TRNAU1AP: variants seen among roughly 807,000 people sequenced by gnomAD.
TRNAU1AP encodes the protein tRNA selenocysteine 1 associated protein 1.
In TRNAU1AP, 33 loss-of-function variants were observed where a neutral mutation model predicts 43.3. The observed-to-expected ratio is 0.76, with a 90% confidence interval of 0.58 to 1.02. The LOEUF is 1.02. Ranked by LOEUF, TRNAU1AP falls within the 50% of genes least tolerant of loss-of-function variation. TRNAU1AP has a pLI of 0.00. For synonymous variants in TRNAU1AP, 143 were observed against 129.1 expected (o/e 1.11, Z -0.73); for missense variants, 290 against 362.7 (o/e 0.80, Z 1.63).
Position 28,575,107 on chromosome 1 carries a change from C to T in TRNAU1AP, c.728-2393C>T, listed in dbSNP as rs533512681. ...CCTTCTTTCTAGAGATAATTAGCCT[C>T]ATAATATCTGTAGATAAGTCCTTAG... On this transcript the variant is annotated intron_variant, in intron 8 of 8. Coordinates refer to ENST00000373830, the MANE Select transcript of TRNAU1AP (RefSeq NM_017846.5). Among the ~76,000 whole-genome samples, 28 of 152,252 alleles carry T rather than the reference C, an allele frequency of 1.8e-4. 1 individual carries two copies. Among genetic ancestry groups the T allele is most frequent in the Admixed American group, 1.8e-3 (27 of 15,278 alleles).
At chr1:28,575,900 C>T (rs1282355044) in intron 8 of TRNAU1AP, among the ~76,000 whole-genome samples, 3 of 104,506 alleles carry the variant, frequency 2.9e-5, no homozygotes, top group Non-Finnish European at 5.5e-5. Context: ...TTTGCTCTGT[C>T]GCCAGGCTGG....
intron 2 of TRNAU1AP, among the ~76,000 whole-genome samples, chr1:28,558,665 C>T (rs987475272): frequency 3.4e-5 from 5 of 148,582 alleles, no homozygotes; most frequent in African/African-American, 1.2e-4. Context: ...CCTGGGTTCA[C>T]GCCATTCTCC....
Position 28,561,417 on chromosome 1 carries a change from C to T in TRNAU1AP, c.278+19C>T, listed in dbSNP as rs1352098520. The T allele has an allele frequency of 1.2e-6, 2 of 1,613,722 alleles. No homozygotes were observed. Among genetic ancestry groups the T allele is most frequent in the African/African-American group, 2.7e-5 (2 of 74,912 alleles). ...ATAACAGGTAGGTACAAAGTCATGT[C>T]TAGACAGACATAAGATGTGTCACTG... is the stretch of plus-strand genomic sequence containing the variant. On this transcript the variant is annotated intron_variant, in intron 4 of 8. Transcript: ENST00000373830.
At chr1:28,570,389 G>A (rs543551477) in intron 6 of TRNAU1AP, among the ~76,000 whole-genome samples, 5 of 151,866 alleles carry the variant, frequency 3.3e-5, no homozygotes, top group Admixed American at 6.6e-5. Context: ...CTGGGATTGC[G>A]GGCGCGCCAT....
At chr1:28,566,484 G>A (rs1665541417) in intron 5 of TRNAU1AP, among the ~76,000 whole-genome samples, 1 of 151,954 alleles carries the variant, frequency 6.6e-6, no homozygotes, top group African/African-American at 2.4e-5. Context: ...CAGGCGTGGT[G>A]GCTCATGCCT....
intron 5 of TRNAU1AP, chr1:28,565,490 A>C (rs1665518119): frequency 6.6e-6 from 1 of 150,378 alleles, no homozygotes; most frequent in African/African-American, 2.4e-5. Context: ...GTCTCCATAA[A>C]AAAAAAAAAA....
chr1:28,556,398 A>T (rs1318608858), intron 2 of TRNAU1AP, among the ~76,000 whole-genome samples: 1 of 150,848 alleles, frequency 6.6e-6, no homozygotes, highest in Non-Finnish European at 1.5e-5. Flanking sequence ...CAGGAGGTAG[A>T]GGTTGCAGTG....
chr1:28,565,296 G>C, intron 5 of TRNAU1AP: 1 of 160,788 alleles, frequency 6.2e-6, no homozygotes, highest in Non-Finnish European at 1.4e-5. Flanking sequence ...ACCAGCCCGG[G>C]CAACACGGTG....
intron 2 of TRNAU1AP, among the ~76,000 whole-genome samples, chr1:28,558,118 A>G (rs1665316663): frequency 7.6e-6 from 1 of 132,414 alleles, no homozygotes; most frequent in African/African-American, 2.9e-5. Flanking sequence ...CATGTTGGTC[A>G]GAACTCCTGA....
At chr1:28,556,783 A>C (rs1363596042) in intron 2 of TRNAU1AP, among the ~76,000 whole-genome samples, 1 of 152,068 alleles carries the variant, frequency 6.6e-6, no homozygotes, top group Non-Finnish European at 1.5e-5. Context: ...TCCCAGGTTC[A>C]AGCGATTCTC....
At chr1:28,555,857 C>CT (rs374688110) in intron 2 of TRNAU1AP, among the ~76,000 whole-genome samples, 6,869 of 126,578 alleles carry the variant, frequency 0.054, 379 homozygotes, top group African/African-American at 0.15. Context: ...ATTTTTTTTT[C>CT]TTTTTTTTTT....
intron 8 of TRNAU1AP, among the ~76,000 whole-genome samples, chr1:28,573,739 C>G (rs1166146447): frequency 1.3e-5 from 2 of 150,998 alleles, no homozygotes; most frequent in Non-Finnish European, 3.0e-5. Context: ...TACCACTGTA[C>G]TCCAGCCTGG....
intron 2 of TRNAU1AP, among the ~76,000 whole-genome samples, chr1:28,558,757 G>C (rs9426406): frequency 0.26 from 39,651 of 151,530 alleles, 5,389 homozygotes; most frequent in Middle Eastern, 0.35. Context: ...AGTAGAGATG[G>C]GGTTTCACTG....
Position 28,561,415 on chromosome 1 carries a change from G to C in TRNAU1AP, c.278+17G>C. Reference sequence around the variant, plus strand: ...AGATAACAGGTAGGTACAAAGTCATGTCTAGACAGACATAAGATGTGTCAC... The same window carrying C: ...AGATAACAGGTAGGTACAAAGTCATCTCTAGACAGACATAAGATGTGTCAC... On this transcript the variant is annotated intron_variant, in intron 4 of 8. Coordinates refer to ENST00000373830, the MANE Select transcript of TRNAU1AP (RefSeq NM_017846.5). The C allele has an allele frequency of 1.2e-6, 2 of 1,613,932 alleles. No homozygotes were observed. The highest frequency in any genetic ancestry group is 1.7e-6 in the Non-Finnish European group (2 of 1,179,856).
intron 8 of TRNAU1AP, among the ~76,000 whole-genome samples, chr1:28,572,388 G>T (rs1043455890): frequency 5.3e-5 from 8 of 151,548 alleles, no homozygotes; most frequent in Admixed American, 3.9e-4. Context: ...TAGAGACAGG[G>T]TTTCTCCATG....
At chr1:28,564,981 T>C in intron 5 of TRNAU1AP, 147 bp downstream of exon 5, 2 of 911,348 alleles carry the variant, frequency 2.2e-6, no homozygotes. Flanking sequence ...CCAGCTCCAA[T>C]ACAGGTGAGG....
chr1:28,561,518 C>A, intron 4 of TRNAU1AP, 120 bp downstream of exon 4: 1 of 1,113,662 alleles, frequency 9.0e-7, no homozygotes, highest in Non-Finnish European at 1.3e-6. Context: ...CGACGCTCTT[C>A]TCCCTTCCTT....
chr1:28,553,263 T>A, intron 1 of TRNAU1AP, 126 bp downstream of exon 1: 2 of 1,112,996 alleles, frequency 1.8e-6, no homozygotes, highest in Non-Finnish European at 2.5e-6. Flanking sequence ...GGGGTTCTTT[T>A]TGGTGACACA....
Position 28,577,827 on chromosome 1 carries a change from T to C in TRNAU1AP, c.*191T>C, listed in dbSNP as rs1665833556. The C allele has an allele frequency of 3.3e-6, 2 of 606,736 alleles. No individual in the cohort carries two copies. Among genetic ancestry groups the C allele is most frequent in the Non-Finnish European group, 5.6e-6 (2 of 360,360 alleles). The allele number at this position is 606,736 out of a possible 1,614,324, so 37.6% of individuals were successfully genotyped here. On this transcript the variant is annotated 3_prime_UTR_variant, in exon 9 of 9. Coordinates refer to ENST00000373830, the MANE Select transcript of TRNAU1AP (RefSeq NM_017846.5). ...AGTTTGAAGACCAAGGGAACAACTT[T>C]TAAACAAGGTTCAAATTGGTTTCCT...
Sources: gnomAD v4.1 joint callset for allele counts (sites outside exome capture counted in the v4.1 genomes callset) on GRCh38, gnomAD v4.1.1 for gene constraint, MANE v1.5 for transcripts, NCBI Gene and HGNC (gene_info 2026-07-23, HGNC 2026-07-21) for gene names.